Variants in TASP1 observed in about 807,000 individuals in gnomAD.
TASP1 encodes the protein threonine aspartase 1.
In TASP1, 16 loss-of-function variants were observed where a neutral mutation model predicts 56.6. That is an observed-to-expected ratio of 0.28 (90% CI 0.19 to 0.43). The LOEUF (loss-of-function observed/expected upper bound fraction) is 0.43. TASP1 is among the 20% of genes least tolerant of loss of function. TASP1 has a pLI of 1.00. For synonymous variants in TASP1, 179 were observed against 184.2 expected (o/e 0.97, Z 0.23); for missense variants, 393 against 511.6 (o/e 0.77, Z 2.24).
the TASP1 span, among the ~76,000 whole-genome samples, chr20:13,325,999 G>A: frequency 2.0e-5 from 3 of 151,998 alleles, no homozygotes; most frequent in South Asian, 6.2e-4. Context: ...CCCAACTCCG[G>A]GTAACCACTG....
At chr20:13,155,061 G>A in the TASP1 span, among the ~76,000 whole-genome samples, 1 of 151,856 alleles carries the variant, frequency 6.6e-6, no homozygotes, top group African/African-American at 2.4e-5. Context: ...CATGCCTGTA[G>A]TCCTAGCTAC....
chr20:13,286,582 C>CT, the TASP1 span, among the ~76,000 whole-genome samples: 1 of 152,008 alleles, frequency 6.6e-6, no homozygotes, highest in Non-Finnish European at 1.5e-5. Flanking sequence ...TAGATGGGGC[C>CT]TCGGGGGGCA....
At chr20:13,247,986 A>G in the TASP1 span, among the ~76,000 whole-genome samples, 4 of 152,170 alleles carry the variant, frequency 2.6e-5, no homozygotes, top group African/African-American at 9.7e-5. Context: ...AATTTCCTCT[A>G]TGACTTGTTC....
Position 13,559,116 on chromosome 20 carries a change from T to C in TASP1, c.569-2A>G. On this transcript the variant is annotated splice_acceptor_variant, in intron 7 of 13. Transcript: ENST00000337743. LOFTEE classifies it high-confidence loss of function. ...TTTTAAATGCAGCTAAACTGAATCCTATAAAATAAAAATAAAAAACATTAA... is the reference window on the plus strand; with the variant it reads ...TTTTAAATGCAGCTAAACTGAATCCCATAAAATAAAAATAAAAAACATTAA... The C allele has an allele frequency of 6.5e-7, 1 of 1,532,288 alleles. No homozygotes were observed. Among genetic ancestry groups the C allele is most frequent in the Non-Finnish European group, 8.8e-7 (1 of 1,139,366 alleles). The allele number at this position is 1,532,288 out of a possible 1,614,324, so 94.9% of individuals were successfully genotyped here.
At chr20:13,442,293 G>GACACAGAC (rs1037615525) in intron 11 of TASP1, among the ~76,000 whole-genome samples, 3 of 147,768 alleles carry the variant, frequency 2.0e-5, no homozygotes, top group Non-Finnish European at 4.5e-5. Context: ...CACAGACACA[G>GACACAGAC]ACACACACAC....
At chr20:13,184,370 AT>A in the TASP1 span, among the ~76,000 whole-genome samples, 2 of 152,170 alleles carry the variant, frequency 1.3e-5, no homozygotes, top group Non-Finnish European at 2.9e-5. Flanking sequence ...AAGAAATTTA[AT>A]TTTTTAATAT....
chr20:13,268,618 G>A, the TASP1 span, among the ~76,000 whole-genome samples: 1 of 152,142 alleles, frequency 6.6e-6, no homozygotes, highest in African/African-American at 2.4e-5. Context: ...AGCTTTCCCC[G>A]GTCACTGCAT....
the TASP1 span, among the ~76,000 whole-genome samples, chr20:13,352,230 A>C: frequency 1.3e-5 from 2 of 152,148 alleles, no homozygotes; most frequent in African/African-American, 4.8e-5. Flanking sequence ...TGGGTGGATC[A>C]CTTGAAGTCA....
the TASP1 span, among the ~76,000 whole-genome samples, chr20:13,156,252 G>A: frequency 4.6e-5 from 7 of 152,304 alleles, no homozygotes; most frequent in Non-Finnish European, 1.0e-4. Context: ...AATGACAGTA[G>A]GGAGTGTTCT....
the TASP1 span, among the ~76,000 whole-genome samples, chr20:13,371,998 T>A: frequency 1.2e-4 from 19 of 152,316 alleles, 2 homozygotes; most frequent in South Asian, 3.9e-3. Context: ...ATGATACATC[T>A]TCTTCCACCT....
the TASP1 span, among the ~76,000 whole-genome samples, chr20:13,374,862 C>T: frequency 6.6e-6 from 1 of 152,160 alleles, no homozygotes; most frequent in African/African-American, 2.4e-5. Flanking sequence ...TGGGCATGCA[C>T]CTGCTCACCC....
At chr20:13,104,848 T>C in the TASP1 span, among the ~76,000 whole-genome samples, 1 of 152,206 alleles carries the variant, frequency 6.6e-6, no homozygotes, top group East Asian at 1.9e-4. Context: ...ACAGGTTTGT[T>C]TGGAGGGCTT....
the TASP1 span, among the ~76,000 whole-genome samples, chr20:13,119,749 G>T: frequency 6.6e-6 from 1 of 152,140 alleles, no homozygotes; most frequent in Admixed American, 6.5e-5. Flanking sequence ...GTTAGCCTAC[G>T]CTGAGATCTG....
At chr20:13,404,171 T>C (rs1022382184) in intron 13 of TASP1, among the ~76,000 whole-genome samples, 2 of 152,174 alleles carry the variant, frequency 1.3e-5, no homozygotes, top group African/African-American at 4.8e-5. Context: ...TTCATATAAA[T>C]AGAATAATTC....
chr20:13,303,157 A>G, the TASP1 span, among the ~76,000 whole-genome samples: 3 of 152,206 alleles, frequency 2.0e-5, no homozygotes, highest in Non-Finnish European at 4.4e-5. Flanking sequence ...TAAATGACAG[A>G]GCTCCTTGAA....
the TASP1 span, among the ~76,000 whole-genome samples, chr20:13,162,045 T>C: frequency 6.6e-6 from 1 of 152,232 alleles, no homozygotes; most frequent in African/African-American, 2.4e-5. Flanking sequence ...ATTTCCAGAA[T>C]GTGAATTTTA....
the TASP1 span, among the ~76,000 whole-genome samples, chr20:13,308,951 G>A: frequency 6.6e-6 from 1 of 152,070 alleles, no homozygotes; most frequent in African/African-American, 2.4e-5. Flanking sequence ...AGGACTCTCA[G>A]CAAAATCTGG....
chr20:13,311,855 C>G, the TASP1 span, among the ~76,000 whole-genome samples: 7 of 152,086 alleles, frequency 4.6e-5, no homozygotes, highest in African/African-American at 1.7e-4. Flanking sequence ...GAAACAAGTT[C>G]TGGAGATTTA....
At chr20:13,320,862 G>A in the TASP1 span, among the ~76,000 whole-genome samples, 3 of 152,138 alleles carry the variant, frequency 2.0e-5, no homozygotes, top group African/African-American at 4.8e-5. Context: ...TGACTAGAAC[G>A]TAGTCATATG....
Sources: allele counts gnomAD v4.1 joint callset (sites outside exome capture counted in the v4.1 genomes callset), GRCh38; gene constraint gnomAD v4.1.1; transcripts MANE v1.5; gene names NCBI Gene and HGNC (gene_info 2026-07-23, HGNC 2026-07-21).